The following RSRC1 variants were observed in gnomAD, a reference collection of about 807,000 sequenced individuals.
The protein encoded by RSRC1 is serine/Arginine-related protein 53.
In RSRC1, 39 loss-of-function variants were observed where a neutral mutation model predicts 49.1. The ratio of observed to expected loss-of-function variants is 0.79; its 90% CI spans 0.61 to 1.04. The LOEUF (loss-of-function observed/expected upper bound fraction) is 1.04, where lower values mean the gene tolerates loss of function less well. Ranked by LOEUF, RSRC1 falls within the 50% of genes least tolerant of loss-of-function variation. The pLI is 0.00. For synonymous variants in RSRC1, 143 were observed against 130.8 expected, an observed-to-expected ratio of 1.09 and a Z score of -0.63; for missense variants, 388 against 402.4, an observed-to-expected ratio of 0.96 and a Z score of 0.31.
intron 4 of RSRC1, among the ~76,000 whole-genome samples, chr3:158,205,879 G>T (rs6441180): frequency 6.6e-6 from 1 of 152,016 alleles, no homozygotes; most frequent in African/African-American, 2.4e-5. Flanking sequence ...ATTTGTGTTG[G>T]GCCACATTCG....
rs138854740 is a variant in RSRC1 at position 158,131,401 on chromosome 3, C to G, written c.320+7410C>G. The stretch of plus-strand genomic sequence containing the variant: ...GTCACTTATCTCTTGATTTTTTTGT[C>G]TGACTTTGTTAGTCATTTCTATGTA... On this transcript the variant is annotated intron_variant, in intron 3 of 9. Transcript: ENST00000611884. Among the ~76,000 whole-genome samples the G allele has an allele frequency of 1.3e-3, 195 of 151,766 alleles. 1 individual carries two copies. The highest frequency in any genetic ancestry group is 4.5e-3 in the African/African-American group (187 of 41,430).
intron 6 of RSRC1, among the ~76,000 whole-genome samples, chr3:158,434,388 A>G (rs989810223): frequency 4.8e-4 from 12 of 25,170 alleles, no homozygotes; most frequent in African/African-American, 3.4e-3. Flanking sequence ...ATATCCAGTG[A>G]AAAAAAATGG....
chr3:158,289,922 TC>T (rs1220106151), intron 4 of RSRC1, among the ~76,000 whole-genome samples: 66 of 140,944 alleles, frequency 4.7e-4, no homozygotes, highest in Non-Finnish European at 1.7e-4. Flanking sequence ...TTTCTATCTT[TC>T]TATCCATCCA....
chr3:158,327,573 T>G (rs1180701885), intron 5 of RSRC1, among the ~76,000 whole-genome samples: 1 of 152,132 alleles, frequency 6.6e-6, no homozygotes, highest in African/African-American at 2.4e-5. Context: ...GAGTTCTAGT[T>G]TGATTGCACT....
At chr3:158,460,676 A>C (rs1280880074) in intron 6 of RSRC1, among the ~76,000 whole-genome samples, 1 of 151,860 alleles carries the variant, frequency 6.6e-6, no homozygotes, top group African/African-American at 2.4e-5. Context: ...CATCATTTAA[A>C]TGTGTCTTGC....
intron 6 of RSRC1, among the ~76,000 whole-genome samples, chr3:158,427,253 A>G (rs1735499978): frequency 6.6e-6 from 1 of 151,830 alleles, no homozygotes; most frequent in African/African-American, 2.4e-5. Context: ...CAACTACCAA[A>G]CTTTACTGAA....
intron 5 of RSRC1, among the ~76,000 whole-genome samples, chr3:158,330,786 A>G (rs1729496727): frequency 6.6e-6 from 1 of 152,022 alleles, no homozygotes. Flanking sequence ...TATAAATATT[A>G]TATCAATTTA....
intron 4 of RSRC1, chr3:158,276,345 C>A (rs1412109453): frequency 5.2e-6 from 4 of 769,652 alleles, no homozygotes; most frequent in Non-Finnish European, 9.5e-6. Flanking sequence ...CTGCCAGCAG[C>A]AGACCCTCAG....
intron 3 of RSRC1, among the ~76,000 whole-genome samples, chr3:158,192,743 C>T (rs1720319667): frequency 6.6e-6 from 1 of 152,032 alleles, no homozygotes; most frequent in South Asian, 2.1e-4. Flanking sequence ...GGCTTCAGGA[C>T]TTGGATGATA....
chr3:158,477,574 G>A (rs949768273), intron 7 of RSRC1, among the ~76,000 whole-genome samples: 3 of 151,888 alleles, frequency 2.0e-5, no homozygotes, highest in Non-Finnish European at 4.4e-5. Context: ...TTTTTTAGAT[G>A]TAACACTATT....
intron 4 of RSRC1, among the ~76,000 whole-genome samples, chr3:158,288,398 A>G (rs766280404): frequency 6.6e-6 from 1 of 152,202 alleles, no homozygotes; most frequent in African/African-American, 2.4e-5. Context: ...AATAGCTTGC[A>G]TCTCACCTGC....
intron 3 of RSRC1, among the ~76,000 whole-genome samples, chr3:158,129,957 A>G (rs917603987): frequency 6.6e-6 from 1 of 152,186 alleles, no homozygotes; most frequent in Non-Finnish European, 1.5e-5. Flanking sequence ...AAACAATGTT[A>G]TGTAGTTTTC....
At chr3:158,537,473 A>G (rs917766008) in intron 8 of RSRC1, among the ~76,000 whole-genome samples, 62 of 151,654 alleles carry the variant, frequency 4.1e-4, no homozygotes, top group Non-Finnish European at 7.5e-4. Flanking sequence ...AGATAGTTCT[A>G]TAACAGTAAT....
intron 6 of RSRC1, among the ~76,000 whole-genome samples, chr3:158,364,033 A>G (rs1375609599): frequency 6.6e-6 from 1 of 152,156 alleles, no homozygotes; most frequent in Non-Finnish European, 1.5e-5. Flanking sequence ...GCAGCCTGTT[A>G]AACTGAGATT....
chr3:158,114,196 C>A (rs1714630296), intron 1 of RSRC1, among the ~76,000 whole-genome samples: 1 of 152,100 alleles, frequency 6.6e-6, no homozygotes, highest in Admixed American at 6.6e-5. Flanking sequence ...AAGGGGTCCA[C>A]TTTCAATTTT....
chr3:158,308,776 A>G (rs917538538), intron 5 of RSRC1, among the ~76,000 whole-genome samples: 1 of 151,952 alleles, frequency 6.6e-6, no homozygotes, highest in Admixed American at 6.6e-5. Context: ...AGAAGACATT[A>G]TCTCTTGATG....
intron 4 of RSRC1, among the ~76,000 whole-genome samples, chr3:158,262,147 AT>A (rs1322934802): frequency 6.6e-6 from 1 of 151,934 alleles, no homozygotes; most frequent in African/African-American, 2.4e-5. Context: ...AGTCTAGTTT[AT>A]TTCTTTGTTC....
intron 4 of RSRC1, among the ~76,000 whole-genome samples, chr3:158,213,040 A>T (rs1721771124): frequency 6.6e-6 from 1 of 151,976 alleles, no homozygotes; most frequent in Non-Finnish European, 1.5e-5. Flanking sequence ...GACATGTTAG[A>T]TAAATCTTGG....
In RSRC1 at chr3:158,303,829, G is replaced by A. The variant is rs184541843; in HGVS notation, c.531+5754G>A. On this transcript the variant is annotated intron_variant, in intron 5 of 9. Coordinates refer to ENST00000611884, the MANE Select transcript of RSRC1 (RefSeq NM_001271838.2). ...TATCTTGCAAGAGTAACAGACATTT[G>A]TTTTAAAATTTTTGGTTCAGATGTT... 1.6e-3 allele frequency among the ~76,000 whole-genome samples: 247 copies of A among 152,240 alleles called. 1 individual carries two copies. Among genetic ancestry groups the A allele is most frequent in the Admixed American group, 5.8e-3 (89 of 15,282 alleles).
Sources: gnomAD v4.1 joint callset for allele counts (sites outside exome capture counted in the v4.1 genomes callset) on GRCh38, gnomAD v4.1.1 for gene constraint, MANE v1.5 for transcripts, NCBI Gene and HGNC (gene_info 2026-07-23, HGNC 2026-07-21) for gene names.